Variants in FSTL4 observed in about 807,000 individuals in gnomAD.
The protein encoded by FSTL4 is follistatin-related protein 4.
Under a neutral mutation model 78.2 loss-of-function variants are expected in FSTL4, and 28 were observed. The ratio of observed to expected loss-of-function variants is 0.36; its 90% CI spans 0.27 to 0.49. The LOEUF (loss-of-function observed/expected upper bound fraction) is 0.49, where lower values mean the gene tolerates loss of function less well. FSTL4 is among the 20% of genes least tolerant of loss of function. The probability of loss-of-function intolerance (pLI) is 0.98; values close to 1 mark genes in which losing one functional copy is unlikely to be tolerated. For synonymous variants in FSTL4, 422 were observed against 440.5 expected (o/e 0.96, Z 0.53); for missense variants, 922 against 1,084.9 (o/e 0.85, Z 2.11).
intron 7 of FSTL4, among the ~76,000 whole-genome samples, chr5:133,240,299 T>C: frequency 6.6e-6 from 1 of 152,188 alleles, no homozygotes; most frequent in East Asian, 1.9e-4. Context: ...ATTCCGGACA[T>C]AATAGACGGA....
At chr5:133,343,260 G>A (rs1048921202) in intron 4 of FSTL4, among the ~76,000 whole-genome samples, 3 of 152,194 alleles carry the variant, frequency 2.0e-5, no homozygotes, top group Admixed American at 6.5e-5. Context: ...GAGGGTTGAC[G>A]CTAGCTCTGA....
At chr5:133,641,119 T>C in the FSTL4 span, among the ~76,000 whole-genome samples, 6 of 152,166 alleles carry the variant, frequency 3.9e-5, no homozygotes, top group Non-Finnish European at 7.3e-5. Context: ...TACAACCATA[T>C]GCAGCAGCCC....
At chr5:133,433,514 T>C (rs148276473) in intron 3 of FSTL4, among the ~76,000 whole-genome samples, 165 of 152,372 alleles carry the variant, frequency 1.1e-3, no homozygotes, top group Non-Finnish European at 1.4e-3. Flanking sequence ...ATTTCATTCA[T>C]GTGGCAAGCA....
chr5:133,717,093 G>T, the FSTL4 span, among the ~76,000 whole-genome samples: 2 of 152,204 alleles, frequency 1.3e-5, no homozygotes, highest in Admixed American at 6.5e-5. Context: ...AAATCTGGGG[G>T]TTTATCATCA....
chr5:133,626,106 T>C, the FSTL4 span, among the ~76,000 whole-genome samples: 3 of 92,934 alleles, frequency 3.2e-5, no homozygotes, highest in African/African-American at 1.4e-4. Context: ...TCCATATATA[T>C]ATATATTCCA....
chr5:133,723,689 G>A, the FSTL4 span, among the ~76,000 whole-genome samples: 5 of 152,302 alleles, frequency 3.3e-5, 1 homozygote, highest in South Asian at 1.0e-3. Flanking sequence ...TGAGAAACAA[G>A]GGCATGCATC....
chr5:133,661,956 G>A, the FSTL4 span, among the ~76,000 whole-genome samples: 1 of 152,166 alleles, frequency 6.6e-6, no homozygotes, highest in African/African-American at 2.4e-5. Flanking sequence ...TATCAGAGAA[G>A]CATATGCACA....
At chr5:133,617,109 G>A (rs188508034), upstream of FSTL4, among the ~76,000 whole-genome samples, 1 of 152,126 alleles carries the variant, frequency 6.6e-6, no homozygotes, top group Admixed American at 6.6e-5. Flanking sequence ...GACCATCCCG[G>A]CCAACATGGT....
At chr5:133,263,420 A>G (rs1752575679) in intron 6 of FSTL4, among the ~76,000 whole-genome samples, 3 of 152,030 alleles carry the variant, frequency 2.0e-5, no homozygotes, top group Admixed American at 2.0e-4. Flanking sequence ...TAAAGGCGAG[A>G]GGATGGGCAG....
At chr5:133,275,093 C>A (rs1752850612) in intron 6 of FSTL4, among the ~76,000 whole-genome samples, 2 of 151,332 alleles carry the variant, frequency 1.3e-5, no homozygotes, top group Admixed American at 1.3e-4. Context: ...GAAACCCTGT[C>A]TCTACTAAAA....
In FSTL4 at chr5:133,199,851, C is replaced by T; in HGVS notation, c.1827-54G>A. On this transcript the variant is annotated intron_variant, in intron 15 of 15. Coordinates refer to ENST00000265342, the MANE Select transcript of FSTL4 (RefSeq NM_015082.2). This position sits in a 1 kb window ranked among gnomAD's most constrained non-coding sequence, Gnocchi z 4.4. ...TTGCCTCCAGGGGTGGGGAATCTGT[C>T]ATTTGTCTTAAACAATTACATCCTC... is the stretch of plus-strand genomic sequence containing the variant. 1.1e-6 allele frequency: 1 copy of T among 894,184 alleles called. No homozygotes were observed. The highest frequency in any genetic ancestry group is 2.5e-5 in the Admixed American group (1 of 40,150). 55.4% of individuals were successfully genotyped at this position (894,184 alleles called of 1,614,324 possible).
chr5:133,784,500 A>G, the FSTL4 span, among the ~76,000 whole-genome samples: 3 of 152,204 alleles, frequency 2.0e-5, no homozygotes, highest in African/African-American at 7.2e-5. Context: ...GGTGGACATC[A>G]TTGTTATCCC....
chr5:133,359,194 G>A (rs1755014481), intron 4 of FSTL4, among the ~76,000 whole-genome samples: 1 of 152,138 alleles, frequency 6.6e-6, no homozygotes, highest in Non-Finnish European at 1.5e-5. Flanking sequence ...CACTAATATT[G>A]GTAATGCTGC....
intron 6 of FSTL4, among the ~76,000 whole-genome samples, chr5:133,311,238 T>C (rs981843249): frequency 5.9e-5 from 9 of 152,252 alleles, no homozygotes; most frequent in African/African-American, 2.2e-4. Flanking sequence ...AAATAATCTC[T>C]TTGGCCCACA....
chr5:133,517,479 C>CACCACA (rs757109238), intron 3 of FSTL4, among the ~76,000 whole-genome samples: 5 of 55,530 alleles, frequency 9.0e-5, no homozygotes, highest in African/African-American at 3.2e-4. Flanking sequence ...CACACACACA[C>CACCACA]CACACACACA....
chr5:133,744,786 G>A, the FSTL4 span, among the ~76,000 whole-genome samples: 12 of 152,252 alleles, frequency 7.9e-5, no homozygotes, highest in South Asian at 2.1e-4. Flanking sequence ...GTGGGAACTC[G>A]GAACAATTTC....
chr5:133,401,110 G>A (rs1034026437), intron 3 of FSTL4, 124 bp from the exon 4 acceptor site: 10 of 1,127,592 alleles, frequency 8.9e-6, no homozygotes, highest in Admixed American at 2.1e-5. Flanking sequence ...CTCAAGGTGG[G>A]GCCTGGGGGC....
chr5:133,503,006 T>C (rs1312538980), intron 3 of FSTL4, among the ~76,000 whole-genome samples: 1 of 152,204 alleles, frequency 6.6e-6, no homozygotes, highest in East Asian at 1.9e-4. Flanking sequence ...TTGTGTTAAG[T>C]TGCTATGTTT....
intron 4 of FSTL4, among the ~76,000 whole-genome samples, chr5:133,350,843 C>T (rs569900676): frequency 6.6e-6 from 1 of 152,204 alleles, no homozygotes; most frequent in South Asian, 2.1e-4. Flanking sequence ...GACATCCCCT[C>T]TCTTCCTTAA....
Sources: gnomAD v4.1 joint callset for allele counts (sites outside exome capture counted in the v4.1 genomes callset) on GRCh38, gnomAD v4.1.1 for gene constraint, Gnocchi (gnomAD v3.1) non-coding constraint, MANE v1.5 for transcripts, NCBI Gene and HGNC (gene_info 2026-07-23, HGNC 2026-07-21) for gene names.